SHISA9: variants seen among roughly 807,000 people sequenced by gnomAD.
SHISA9 encodes the protein shisa family member 9.
SHISA9 carries 13 observed loss-of-function variants against 38.0 expected under a neutral mutation model. That is an observed-to-expected ratio of 0.34 (90% CI 0.22 to 0.54). The LOEUF is 0.54. Among genes scored for constraint, SHISA9 ranks in the 20% least tolerant of loss-of-function variants. The pLI, the probability that SHISA9 is intolerant of heterozygous loss-of-function variation, is 0.91. For missense variants in SHISA9, 538 were observed against 575.8 expected (o/e 0.93, Z 0.67); for synonymous variants, 275 against 242.0 (o/e 1.14, Z -1.27).
chr16:13,188,989 T>A (rs2050856900), intron 2 of SHISA9, among the ~76,000 whole-genome samples: 1 of 152,098 alleles, frequency 6.6e-6, no homozygotes, highest in Non-Finnish European at 1.5e-5. Flanking sequence ...GAATGCCATG[T>A]GAAGACAGAA....
chr16:13,090,629 CTGTT>C (rs2073764594), intron 2 of SHISA9, among the ~76,000 whole-genome samples: 1 of 151,084 alleles, frequency 6.6e-6, no homozygotes, highest in African/African-American at 2.4e-5. Context: ...GCAACTCCTG[CTGTT>C]TTTTTGCTTT....
chr16:13,090,708 A>G (rs151103825), intron 2 of SHISA9, among the ~76,000 whole-genome samples: 3,165 of 152,220 alleles, frequency 0.021, 49 homozygotes, highest in Admixed American at 0.047. Flanking sequence ...TTGCACGTGA[A>G]ATGGGTCTCT....
At chr16:13,281,592 G>A in the SHISA9 span, among the ~76,000 whole-genome samples, 1 of 146,610 alleles carries the variant, frequency 6.8e-6, no homozygotes, top group South Asian at 2.2e-4. Context: ...CTTTCTTGGG[G>A]TTATTTAAAT....
chr16:13,406,036 A>G, the SHISA9 span, among the ~76,000 whole-genome samples: 1 of 152,208 alleles, frequency 6.6e-6, no homozygotes, highest in African/African-American at 2.4e-5. Context: ...AGCAGAAGGA[A>G]TAATCAACAG....
chr16:12,965,045 A>G (rs2071959635), intron 2 of SHISA9, among the ~76,000 whole-genome samples: 1 of 152,098 alleles, frequency 6.6e-6, no homozygotes, highest in Non-Finnish European at 1.5e-5. Context: ...CTATATATAC[A>G]CACACATACA....
chr16:13,414,230 C>A, the SHISA9 span, among the ~76,000 whole-genome samples: 1 of 152,162 alleles, frequency 6.6e-6, no homozygotes, highest in African/African-American at 2.4e-5. Context: ...GGAAAACAAA[C>A]CCTATGCCAC....
chr16:13,232,399 GCACGTT>G (rs2051340242), intron 4 of SHISA9, among the ~76,000 whole-genome samples: 1 of 152,088 alleles, frequency 6.6e-6, no homozygotes, highest in South Asian at 2.1e-4. Flanking sequence ...TATGTAACCT[GCACGTT>G]CTGCACATGT....
intron 2 of SHISA9, among the ~76,000 whole-genome samples, chr16:13,175,454 G>C (rs760020589): frequency 1.3e-5 from 2 of 152,288 alleles, no homozygotes; most frequent in Admixed American, 1.3e-4. Flanking sequence ...GAGTAAATGA[G>C]AGAATGGATG....
At chr16:13,149,531 C>T (rs887535693) in intron 2 of SHISA9, among the ~76,000 whole-genome samples, 1 of 152,162 alleles carries the variant, frequency 6.6e-6, no homozygotes. Flanking sequence ...GGCACCTCAT[C>T]TATTAGCTCT....
At chr16:13,254,866 G>T in the SHISA9 span, among the ~76,000 whole-genome samples, 5 of 152,220 alleles carry the variant, frequency 3.3e-5, no homozygotes, top group Non-Finnish European at 7.3e-5. Context: ...GCCCAGAGGC[G>T]ACGTGGTCTT....
At chr16:13,274,534 ATTAT>A in the SHISA9 span, among the ~76,000 whole-genome samples, 1 of 152,146 alleles carries the variant, frequency 6.6e-6, no homozygotes, top group Non-Finnish European at 1.5e-5. Context: ...GTTTTAATTA[ATTAT>A]TCCAGCCTCT....
chr16:13,020,413 A>C (rs548876633), intron 2 of SHISA9, among the ~76,000 whole-genome samples: 2 of 152,214 alleles, frequency 1.3e-5, no homozygotes, highest in South Asian at 4.1e-4. Context: ...GTATGTATCC[A>C]TGTGTTCTCG....
chr16:13,151,467 T>C (rs955033919), intron 2 of SHISA9, among the ~76,000 whole-genome samples: 20 of 152,196 alleles, frequency 1.3e-4, no homozygotes, highest in African/African-American at 4.6e-4. Flanking sequence ...CCAGCTCACC[T>C]TCTTCTTATG....
chr16:12,993,927 T>G (rs1596570613), intron 2 of SHISA9, among the ~76,000 whole-genome samples: 1 of 148,748 alleles, frequency 6.7e-6, no homozygotes, highest in African/African-American at 2.5e-5. Context: ...GGGAGGAGAG[T>G]TAGGGGGACC....
Position 13,160,978 on chromosome 16 carries a change from A to G in SHISA9, c.692-42416A>G, listed in dbSNP as rs952984516. 3.9e-5 allele frequency among the ~76,000 whole-genome samples: 6 copies of G among 152,272 alleles called. No homozygotes were observed. In the East Asian group the frequency reaches 1.2e-3, roughly 29 times the overall value. On this transcript the variant is annotated intron_variant, in intron 2 of 4. Transcript: ENST00000558583. ...TGAAATGACCCTAATTTTTCTTCCT[A>G]GCCCCATTCCCCATGGCAGGAGAAG...
chr16:13,214,093 A>G (rs565764611), intron 4 of SHISA9, among the ~76,000 whole-genome samples: 1 of 152,300 alleles, frequency 6.6e-6, no homozygotes, highest in African/African-American at 2.4e-5. Context: ...CTAGGGTGTA[A>G]TGGAAGCAGC....
chr16:13,009,513 A>G (rs756910059), intron 2 of SHISA9, among the ~76,000 whole-genome samples: 6 of 151,660 alleles, frequency 4.0e-5, no homozygotes, highest in Non-Finnish European at 7.4e-5. Context: ...TATTTTCAAC[A>G]CTCTGGGAAT....
chr16:13,356,598 C>T, the SHISA9 span, among the ~76,000 whole-genome samples: 1 of 152,038 alleles, frequency 6.6e-6, no homozygotes, highest in African/African-American at 2.4e-5. Flanking sequence ...GGATTGGGAC[C>T]TAGCTCGGCC....
the SHISA9 span, among the ~76,000 whole-genome samples, chr16:13,361,814 A>G: frequency 9.2e-5 from 14 of 152,220 alleles, no homozygotes; most frequent in African/African-American, 2.7e-4. Flanking sequence ...GTTTCATACA[A>G]TAGGCTTAAA....
Sources: allele counts gnomAD v4.1 joint callset (sites outside exome capture counted in the v4.1 genomes callset), GRCh38; gene constraint gnomAD v4.1.1; transcripts MANE v1.5; gene names NCBI Gene and HGNC (gene_info 2026-07-23, HGNC 2026-07-21).